Variants in SHQ1 observed in about 807,000 individuals in gnomAD.
SHQ1 encodes protein SHQ1 homolog.
SHQ1 carries 49 observed loss-of-function variants against 53.8 expected under a neutral mutation model. That is an observed-to-expected ratio of 0.91 (90% CI 0.72 to 1.16). The LOEUF is 1.16. SHQ1 is among the 50% of genes most tolerant of loss of function. SHQ1 has a pLI of 0.00. For synonymous variants in SHQ1, 243 were observed against 251.0 expected (o/e 0.97, Z 0.30); for missense variants, 738 against 683.1 (o/e 1.08, Z -0.90).
chr3:72,804,168 C>T (rs900937679), intron 9 of SHQ1, among the ~76,000 whole-genome samples: 1 of 152,166 alleles, frequency 6.6e-6, no homozygotes, highest in African/African-American at 2.4e-5. Flanking sequence ...AAGAGATCTT[C>T]CCACTTTTAC....
At chr3:72,786,944 AC>A (rs757778995) in intron 10 of SHQ1, among the ~76,000 whole-genome samples, 7 of 152,324 alleles carry the variant, frequency 4.6e-5, no homozygotes, top group Non-Finnish European at 8.8e-5. Flanking sequence ...TATGTTATCT[AC>A]CCTGTTCTTA....
intron 5 of SHQ1, among the ~76,000 whole-genome samples, chr3:72,825,639 T>C (rs572065373): frequency 6.6e-6 from 1 of 152,288 alleles, no homozygotes; most frequent in African/African-American, 2.4e-5. Flanking sequence ...GCATTCAAAG[T>C]TGGAAATTGG....
intron 6 of SHQ1, 131 bp downstream of exon 6, chr3:72,824,293 T>C (rs1051033534): frequency 4.6e-5 from 50 of 1,084,724 alleles, no homozygotes; most frequent in Non-Finnish European, 6.4e-5. Context: ...TTTCCAAAAT[T>C]AGCAATTCAA....
the SHQ1 span, among the ~76,000 whole-genome samples, chr3:72,738,647 G>A: frequency 6.6e-6 from 1 of 152,278 alleles, no homozygotes; most frequent in East Asian, 1.9e-4. Context: ...TTCCCCCAAC[G>A]AAAGCCACTG....
intron 2 of SHQ1, 117 bp downstream of exon 2, chr3:72,844,242 A>G: frequency 1.3e-6 from 1 of 782,758 alleles, no homozygotes; most frequent in East Asian, 2.7e-5. Context: ...AAAGAGTGAT[A>G]GGAACAGATT....
At chr3:72,741,035 A>AT in the SHQ1 span, among the ~76,000 whole-genome samples, 2 of 152,298 alleles carry the variant, frequency 1.3e-5, no homozygotes, top group South Asian at 4.1e-4. Flanking sequence ...GCTCTTGCCT[A>AT]TTTAGACAAC....
At chr3:72,766,631 T>C (rs1451752296) in intron 10 of SHQ1, among the ~76,000 whole-genome samples, 1 of 152,138 alleles carries the variant, frequency 6.6e-6, no homozygotes, top group African/African-American at 2.4e-5. Flanking sequence ...AGAAACTCAC[T>C]GGAGAAGGTA....
At chr3:72,787,607 G>A (rs1409964654) in intron 10 of SHQ1, among the ~76,000 whole-genome samples, 1 of 152,144 alleles carries the variant, frequency 6.6e-6, no homozygotes, top group Non-Finnish European at 1.5e-5. Flanking sequence ...ATGTTATAAA[G>A]GGAAATGGTT....
intron 10 of SHQ1, among the ~76,000 whole-genome samples, chr3:72,762,039 G>A (rs1426633683): frequency 2.6e-5 from 4 of 152,142 alleles, no homozygotes; most frequent in South Asian, 4.1e-4. Flanking sequence ...TTTGAGGACA[G>A]TCTGCACATA....
chr3:72,827,901 C>T (rs943288122), intron 5 of SHQ1, among the ~76,000 whole-genome samples: 6 of 151,850 alleles, frequency 4.0e-5, no homozygotes, highest in African/African-American at 1.2e-4. Flanking sequence ...ACTACAGGCG[C>T]CCGCCACCAT....
rs1255470585 is a variant in SHQ1 at position 72,759,470 on chromosome 3, C to CAGG, written c.1182-8635_1182-8634insCCT. On this transcript the variant is annotated intron_variant, in intron 10 of 10. Coordinates refer to ENST00000325599, the MANE Select transcript of SHQ1 (RefSeq NM_018130.3). ...CTTTGGGAGGCCAAGGTGGGCGGATCACTTGAGGTCAGGAGTTCGAGACCA... is the reference window on the plus strand; with the variant it reads ...CTTTGGGAGGCCAAGGTGGGCGGATCAGGACTTGAGGTCAGGAGTTCGAGACCA... Among the ~76,000 whole-genome samples, 715 of 152,250 alleles carry CAGG rather than the reference C, an allele frequency of 4.7e-3. 2 individuals carry two copies. Among genetic ancestry groups the CAGG allele is most frequent in the African/African-American group, 0.015 (625 of 41,534 alleles).
chr3:72,745,841 CTTT>C (rs112536732), downstream of SHQ1, among the ~76,000 whole-genome samples: 29 of 144,176 alleles, frequency 2.0e-4, no homozygotes, highest in Admixed American at 1.0e-3. Context: ...TCATCTATTC[CTTT>C]TTTTTTTTTT....
chr3:72,839,516 A>C (rs1708096632), intron 4 of SHQ1, among the ~76,000 whole-genome samples: 1 of 152,164 alleles, frequency 6.6e-6, no homozygotes, highest in Non-Finnish European at 1.5e-5. Context: ...AGCATTCTAC[A>C]CTTTCCAAAG....
intron 4 of SHQ1, among the ~76,000 whole-genome samples, chr3:72,838,951 TA>T (rs553872568): frequency 0.037 from 5,031 of 136,294 alleles, 215 homozygotes; most frequent in African/African-American, 0.11. Context: ...TATAGCAGCT[TA>T]AAAAAAAAAA....
At chr3:72,752,339 A>G (rs1363599779) in intron 10 of SHQ1, among the ~76,000 whole-genome samples, 3 of 152,204 alleles carry the variant, frequency 2.0e-5, no homozygotes, top group Non-Finnish European at 2.9e-5. Flanking sequence ...TGTAAAGGAG[A>G]TAAGGTGGGA....
At chr3:72,816,454 C>T (rs1282702441) in intron 7 of SHQ1, among the ~76,000 whole-genome samples, 1 of 152,028 alleles carries the variant, frequency 6.6e-6, no homozygotes, top group Non-Finnish European at 1.5e-5. Context: ...CAAAAATAAC[C>T]TTTTGAGCAA....
rs545514234 is a variant in SHQ1 at position 72,794,878 on chromosome 3, G to C, written c.1061-1842C>G. On this transcript the variant is annotated intron_variant, in intron 9 of 10. Coordinates refer to ENST00000325599, the MANE Select transcript of SHQ1 (RefSeq NM_018130.3). Reference sequence around the variant, plus strand: ...AGAAGTGGAAAGGAAACTCAAAATGGGGAAAGTCCTCCCCATAACCTCTCC... The same window carrying C: ...AGAAGTGGAAAGGAAACTCAAAATGCGGAAAGTCCTCCCCATAACCTCTCC... 8 of 152,290 alleles carry C rather than the reference G, an allele frequency of 5.3e-5. No individual in the cohort carries two copies. In the South Asian group the frequency reaches 1.7e-3, roughly 32 times the overall value. The allele number at this position is 152,290 out of a possible 1,614,324, so 9.4% of individuals were successfully genotyped here.
chr3:72,768,614 T>A (rs1162583901), intron 10 of SHQ1, among the ~76,000 whole-genome samples: 3 of 152,200 alleles, frequency 2.0e-5, no homozygotes. Flanking sequence ...CTATTCCTAT[T>A]GTTTAGTACG....
chr3:72,751,047 G>C (rs955468830), intron 10 of SHQ1, among the ~76,000 whole-genome samples: 3 of 152,144 alleles, frequency 2.0e-5, no homozygotes, highest in African/African-American at 7.2e-5. Flanking sequence ...ACCCTAAGAA[G>C]GAGGAAGACT....
Sources: gnomAD v4.1 joint callset for allele counts (sites outside exome capture counted in the v4.1 genomes callset) on GRCh38, gnomAD v4.1.1 for gene constraint, MANE v1.5 for transcripts, NCBI Gene and HGNC (gene_info 2026-07-23, HGNC 2026-07-21) for gene names.